CTNNA2: variants seen among roughly 807,000 people sequenced by gnomAD.
CTNNA2 encodes the protein catenin alpha-2.
In CTNNA2, 42 loss-of-function variants were observed where a neutral mutation model predicts 101.0. The ratio of observed to expected loss-of-function variants is 0.42; its 90% confidence interval spans 0.32 to 0.54. The LOEUF is 0.54. Ranked by LOEUF, CTNNA2 falls within the 20% of genes least tolerant of loss-of-function variation. CTNNA2 has a pLI of 0.14. For synonymous variants in CTNNA2, 450 were observed against 456.4 expected, an observed-to-expected ratio of 0.99 and a Z score of 0.18; for missense variants, 871 against 1,223.1, an observed-to-expected ratio of 0.71 and a Z score of 4.29.
chr2:80,581,895 C>T (rs1282991145), intron 14 of CTNNA2, 76 bp downstream of exon 14: 8 of 853,920 alleles, frequency 9.4e-6, no homozygotes, highest in African/African-American at 4.9e-5. Context: ...TATTTCTAAA[C>T]TCCAGACACG....
At chr2:79,242,100 G>A (rs1036781925) in intron 2 of CTNNA2, among the ~76,000 whole-genome samples, 32 of 151,986 alleles carry the variant, frequency 2.1e-4, no homozygotes, top group African/African-American at 7.3e-4. Context: ...TAGAGACGGG[G>A]TTTCACTGTG....
intron 12 of CTNNA2, chr2:80,572,594 T>C (rs1694694736): frequency 6.6e-6 from 1 of 152,206 alleles, no homozygotes. Flanking sequence ...AATTCTAATA[T>C]GTACAAAAAT....
intron 7 of CTNNA2, among the ~76,000 whole-genome samples, chr2:80,109,371 G>T (rs1022198545): frequency 6.6e-6 from 1 of 152,178 alleles, no homozygotes; most frequent in Non-Finnish European, 1.5e-5. Context: ...TGAGGCAGGA[G>T]AATTGCTTGA....
At position 79,243,007 on chromosome 2, in the gene CTNNA2, C is replaced by CAT. The variant is rs371592639; in HGVS notation, c.-406+44932_-406+44933insTA. The stretch of plus-strand genomic sequence containing the variant: ...ATATATATATATACACACACACACA[C>CAT]ACACACACACACACACACACACGTT... On this transcript the variant is annotated intron_variant, in intron 2 of 21. Transcript: ENST00000466387. Among the ~76,000 whole-genome samples, 197 of 142,756 alleles carry CAT rather than the reference C, an allele frequency of 1.4e-3. 2 individuals carry two copies. In the Middle Eastern group the frequency reaches 0.018, roughly 13 times the overall value. The allele number at this position is 142,756 out of a possible 152,430, so 93.7% of individuals were successfully genotyped here.
chr2:79,977,222 G>GCACACACACACACACA (rs72018840), intron 7 of CTNNA2, among the ~76,000 whole-genome samples: 49 of 144,740 alleles, frequency 3.4e-4, no homozygotes, highest in African/African-American at 5.5e-4. Context: ...GCATATGCAT[G>GCACACACACACACACA]CACACACACA....
chr2:79,327,967 T>A (rs556097776), intron 3 of CTNNA2, among the ~76,000 whole-genome samples: 2 of 147,520 alleles, frequency 1.4e-5, no homozygotes, highest in South Asian at 4.2e-4. Context: ...GCCCTGGGCA[T>A]GGGGTTGCGG....
At chr2:79,382,806 G>T (rs1678054629) in intron 4 of CTNNA2, among the ~76,000 whole-genome samples, 1 of 151,984 alleles carries the variant, frequency 6.6e-6, no homozygotes. Context: ...AATAGAGAGG[G>T]GGTTTCACTG....
chr2:79,395,821 CAG>C (rs1678223526), intron 4 of CTNNA2, among the ~76,000 whole-genome samples: 1 of 152,046 alleles, frequency 6.6e-6, no homozygotes, highest in African/African-American at 2.4e-5. Flanking sequence ...TGATTTTTTT[CAG>C]ACAGTGTCTC....
At chr2:79,835,334 T>C (rs1268198010) in intron 3 of CTNNA2, among the ~76,000 whole-genome samples, 3 of 152,192 alleles carry the variant, frequency 2.0e-5, no homozygotes, top group Non-Finnish European at 4.4e-5. Flanking sequence ...TTTTATATTT[T>C]AAATAGCAAT....
In CTNNA2 at chr2:79,424,941, T is replaced by C. The variant is rs557481329; in HGVS notation, c.-135+50928T>C. Among the ~76,000 whole-genome samples the C allele has an allele frequency of 9.8e-5, 15 of 152,286 alleles. No individual in the cohort carries two copies. The East Asian group carries it at 2.9e-3, about 29-fold the overall frequency. ...CAGCTTTAGTGAAATGTGAACTGTA[T>C]AAATGCAAGCAAGTCAGTATCCAGA... On this transcript the variant is annotated intron_variant, in intron 4 of 21. Transcript: ENST00000466387.
At chr2:79,426,371 C>A (rs1473686066) in intron 4 of CTNNA2, among the ~76,000 whole-genome samples, 1 of 152,096 alleles carries the variant, frequency 6.6e-6, no homozygotes, top group Non-Finnish European at 1.5e-5. Context: ...AATATTTAAA[C>A]AATGGTAACA....
chr2:80,461,511 G>T (rs913958359), intron 9 of CTNNA2, among the ~76,000 whole-genome samples: 1 of 152,104 alleles, frequency 6.6e-6, no homozygotes, highest in African/African-American at 2.4e-5. Context: ...CTATTGCAAA[G>T]GTCCTAAATA....
chr2:80,092,423 GAAGCTTTCCCATGTTCTC>G (rs1699846867), intron 7 of CTNNA2, among the ~76,000 whole-genome samples: 1 of 152,066 alleles, frequency 6.6e-6, no homozygotes, highest in African/African-American at 2.4e-5. Context: ...CCTGTATCTT[GAAGCTTTCCCATGTTCTC>G]AAGCTTTCCC....
intron 12 of CTNNA2, among the ~76,000 whole-genome samples, chr2:80,562,432 T>C (rs556478048): frequency 6.6e-6 from 1 of 152,246 alleles, no homozygotes; most frequent in East Asian, 1.9e-4. Flanking sequence ...CCATTACCCA[T>C]CAGAATGGCA....
intron 3 of CTNNA2, among the ~76,000 whole-genome samples, chr2:79,362,773 C>A (rs1677660369): frequency 6.6e-6 from 1 of 152,174 alleles, no homozygotes; most frequent in Non-Finnish European, 1.5e-5. Flanking sequence ...GGCAGCTCTA[C>A]CAGCCTGGAT....
At chr2:80,137,609 T>G (rs1436576968) in intron 7 of CTNNA2, among the ~76,000 whole-genome samples, 1 of 152,194 alleles carries the variant, frequency 6.6e-6, no homozygotes, top group East Asian at 1.9e-4. Context: ...TGGAAAGCAC[T>G]GGAAAGGTGC....
chr2:79,996,971 A>C (rs1027803503), intron 7 of CTNNA2, among the ~76,000 whole-genome samples: 2 of 152,270 alleles, frequency 1.3e-5, no homozygotes, highest in African/African-American at 4.8e-5. Context: ...ACTGTGCCCT[A>C]GCGGATGGGA....
chr2:80,522,167 G>A (rs114161713), intron 9 of CTNNA2, among the ~76,000 whole-genome samples: 69 of 152,242 alleles, frequency 4.5e-4, no homozygotes, highest in Non-Finnish European at 9.1e-4. Context: ...GTCCATATTC[G>A]GAAACAGTTT....
intron 1 of CTNNA2, among the ~76,000 whole-genome samples, chr2:79,583,796 T>C (rs1273729778): frequency 1.3e-5 from 2 of 152,218 alleles, no homozygotes; most frequent in Non-Finnish European, 2.9e-5. Context: ...GAGACTCTTA[T>C]AGTGTCCTTG....
Sources: gnomAD v4.1 joint callset for allele counts (sites outside exome capture counted in the v4.1 genomes callset) on GRCh38, gnomAD v4.1.1 for gene constraint, MANE v1.5 for transcripts, NCBI Gene and HGNC (gene_info 2026-07-23, HGNC 2026-07-21) for gene names.